Variants in RBFOX1 observed in about 807,000 individuals in gnomAD.
RBFOX1 encodes the protein RNA binding fox-1 homolog 1.
Under a neutral mutation model 57.7 loss-of-function variants are expected in RBFOX1, and 8 were observed. That is an observed-to-expected ratio of 0.14 (90% CI 0.08 to 0.25). The LOEUF is 0.25. Among genes scored for constraint, RBFOX1 ranks in the 10% least tolerant of loss-of-function variants. The pLI is 1.00. For synonymous variants in RBFOX1, 326 were observed against 222.4 expected, an observed-to-expected ratio of 1.47 and a Z score of -4.15; for missense variants, 611 against 548.5, an observed-to-expected ratio of 1.11 and a Z score of -1.14.
intron 4 of RBFOX1, among the ~76,000 whole-genome samples, chr16:7,472,630 G>C (rs1037921851): frequency 1.8e-4 from 28 of 152,284 alleles, no homozygotes; most frequent in Admixed American, 1.6e-3. Context: ...TCTCCTCCGA[G>C]ACTGCACTGT....
intron 4 of RBFOX1, among the ~76,000 whole-genome samples, chr16:7,127,772 G>A (rs549547485): frequency 4.6e-5 from 7 of 152,312 alleles, no homozygotes; most frequent in Admixed American, 4.6e-4. Flanking sequence ...CCCCGTGGAG[G>A]CAGGCTGAAG....
At position 5,647,993 on chromosome 16, in the gene RBFOX1, T is replaced by A. The variant is rs528421366; in HGVS notation, c.318+49032T>A. Among the ~76,000 whole-genome samples, 82 of 152,214 alleles carry A rather than the reference T, an allele frequency of 5.4e-4. No homozygotes were observed. The East Asian group carries it at 0.011, about 20-fold the overall frequency. The stretch of plus-strand genomic sequence containing the variant: ...TCCTGCCTCAGCCTCCTGAGTAGCT[T>A]GGAGTATAGGCATGCAGCACTGTCC... On this transcript the variant is annotated intron_variant, in intron 3 of 19. Transcript: ENST00000641259.
chr16:5,604,317 G>T (rs753474802), downstream of RBFOX1, among the ~76,000 whole-genome samples: 2 of 152,178 alleles, frequency 1.3e-5, no homozygotes, highest in African/African-American at 4.8e-5. Context: ...CTCTGCTTAG[G>T]TTCTCACCAA....
At chr16:7,206,471 G>C (rs1425403752) in intron 4 of RBFOX1, among the ~76,000 whole-genome samples, 1 of 149,750 alleles carries the variant, frequency 6.7e-6, no homozygotes, top group South Asian at 2.1e-4. Context: ...TAATATGCGT[G>C]TGTGCATATA....
chr16:5,260,285 AAG>A (rs909662299), intron 1 of RBFOX1, among the ~76,000 whole-genome samples: 1 of 152,302 alleles, frequency 6.6e-6, no homozygotes, highest in Non-Finnish European at 1.5e-5. Context: ...AAAGTACAAA[AAG>A]AGAGAGAAAT....
intron 4 of RBFOX1, among the ~76,000 whole-genome samples, chr16:7,191,514 A>G (rs1363641706): frequency 6.6e-6 from 1 of 152,214 alleles, no homozygotes; most frequent in Non-Finnish European, 1.5e-5. Flanking sequence ...GTTATATTGC[A>G]TATAATTTTT....
At chr16:7,126,022 G>A (rs999557739) in intron 4 of RBFOX1, among the ~76,000 whole-genome samples, 3 of 152,138 alleles carry the variant, frequency 2.0e-5, no homozygotes, top group Non-Finnish European at 4.4e-5. Flanking sequence ...GGCGGAGGTT[G>A]CAGTGAGCTG....
chr16:5,254,920 A>G (rs1361785976), intron 1 of RBFOX1, among the ~76,000 whole-genome samples: 1 of 152,114 alleles, frequency 6.6e-6, no homozygotes. Flanking sequence ...ATTTGATAAG[A>G]TCTCTGTCCC....
intron 3 of RBFOX1, among the ~76,000 whole-genome samples, chr16:6,865,812 G>A (rs1006273020): frequency 3.3e-5 from 5 of 151,928 alleles, no homozygotes; most frequent in East Asian, 1.9e-4. Context: ...AGTTGCACAC[G>A]GAGAATTTTC....
chr16:7,506,564 A>G lies in RBFOX1; in HGVS notation c.28-11583A>G, dbSNP rs952418553. 4.0e-5 allele frequency among the ~76,000 whole-genome samples: 6 copies of G among 151,878 alleles called. No homozygotes were observed. In the East Asian group the frequency reaches 1.2e-3, roughly 29 times the overall value. ...ACCAGACATCGTCATCACCATCACC[A>G]TTATTACCATCACCTTCATCATCAT... On this transcript the variant is annotated intron_variant, in intron 4 of 15. Transcript: ENST00000550418.
chr16:6,574,530 G>C (rs997744809), intron 2 of RBFOX1, among the ~76,000 whole-genome samples: 6 of 144,408 alleles, frequency 4.2e-5, no homozygotes, highest in African/African-American at 1.3e-4. Flanking sequence ...CAGGGTTCAC[G>C]CCATTCTCCT....
At chr16:6,365,517 C>G (rs762349358) in intron 2 of RBFOX1, among the ~76,000 whole-genome samples, 1 of 152,110 alleles carries the variant, frequency 6.6e-6, no homozygotes, top group Non-Finnish European at 1.5e-5. Flanking sequence ...ACATGTAATA[C>G]ATTTAAATTC....
intron 1 of RBFOX1, among the ~76,000 whole-genome samples, chr16:6,200,253 C>G (rs1225789836): frequency 6.6e-6 from 1 of 152,156 alleles, no homozygotes; most frequent in Non-Finnish European, 1.5e-5. Context: ...GGGATTCTCC[C>G]TAATGACAAG....
intron 2 of RBFOX1, among the ~76,000 whole-genome samples, chr16:6,558,867 A>G (rs1230663471): frequency 1.4e-5 from 2 of 146,254 alleles, no homozygotes; most frequent in African/African-American, 5.1e-5. Context: ...GCTCCTCCTG[A>G]GTGGGACGTT....
chr16:6,719,636 T>C (rs948163710), intron 3 of RBFOX1, among the ~76,000 whole-genome samples: 22 of 151,416 alleles, frequency 1.5e-4, no homozygotes, highest in Admixed American at 5.3e-4. Context: ...TTAGTAGAGA[T>C]GGGGTTTCAC....
intron 3 of RBFOX1, among the ~76,000 whole-genome samples, chr16:5,778,880 T>C (rs994893367): frequency 6.6e-6 from 1 of 152,232 alleles, no homozygotes; most frequent in African/African-American, 2.4e-5. Flanking sequence ...CTGCCTGATA[T>C]GATTCCTGTA....
At chr16:6,636,649 C>A (rs546791149) in intron 2 of RBFOX1, among the ~76,000 whole-genome samples, 2 of 150,204 alleles carry the variant, frequency 1.3e-5, no homozygotes, top group African/African-American at 4.9e-5. Flanking sequence ...GTAAACATTG[C>A]GAAATGCCTC....
chr16:7,159,351 C>A (rs950517304), intron 4 of RBFOX1, among the ~76,000 whole-genome samples: 1 of 152,002 alleles, frequency 6.6e-6, no homozygotes, highest in Admixed American at 6.6e-5. Flanking sequence ...GTGGCAAGCC[C>A]CTGGTGAACC....
chr16:5,798,937 A>T (rs1179453046), intron 3 of RBFOX1, among the ~76,000 whole-genome samples: 2 of 149,146 alleles, frequency 1.3e-5, no homozygotes, highest in Non-Finnish European at 3.0e-5. Context: ...CTGCCACTTG[A>T]CTCCTGCAAG....
Sources: gnomAD v4.1 joint callset for allele counts (sites outside exome capture counted in the v4.1 genomes callset) on GRCh38, gnomAD v4.1.1 for gene constraint, MANE v1.5 for transcripts, NCBI Gene and HGNC (gene_info 2026-07-23, HGNC 2026-07-21) for gene names.